DDX1: variants seen among roughly 807,000 people sequenced by gnomAD.
DDX1 encodes the protein DEAD-box helicase 1, also known as ATP-dependent RNA helicase DDX1.
A neutral mutation model predicts 108.7 loss-of-function variants in DDX1; 28 were observed. The observed-to-expected ratio is 0.26, with a 90% CI of 0.19 to 0.35. The LOEUF (loss-of-function observed/expected upper bound fraction) is 0.35, where lower values mean the gene tolerates loss of function less well. Among genes scored for constraint, DDX1 ranks in the 10% least tolerant of loss-of-function variants. The probability of loss-of-function intolerance (pLI) is 1.00; values close to 1 mark genes in which losing one functional copy is unlikely to be tolerated. For missense variants in DDX1, 710 were observed against 884.5 expected (o/e 0.80, Z 2.50); for synonymous variants, 295 against 288.9 (o/e 1.02, Z -0.21).
At chr2:15,622,084 G>C (rs953393136) in intron 18 of DDX1, among the ~76,000 whole-genome samples, 1 of 152,184 alleles carries the variant, frequency 6.6e-6, no homozygotes. Flanking sequence ...TATTGCATAA[G>C]AAAGAAAACT....
chr2:15,596,124 C>T (rs751592404), intron 3 of DDX1, among the ~76,000 whole-genome samples: 5 of 152,186 alleles, frequency 3.3e-5, no homozygotes, highest in Non-Finnish European at 5.9e-5. Context: ...CAGCCTCAAG[C>T]GATCCTCCTG....
At position 15,591,901 on chromosome 2, in the gene DDX1, C is replaced by T. The variant is rs1296803908; in HGVS notation, c.-33C>T. On this transcript the variant is annotated 5_prime_UTR_variant, in exon 1 of 26. Transcript: ENST00000233084. ...GCCGTGTCAGTCGGGAGGGAGGGAG[C>T]GAGCAGGCGAAGCCGCGGAGGACGG... 2 of 1,464,764 alleles carry T rather than the reference C, an allele frequency of 1.4e-6. No homozygotes were observed. Among genetic ancestry groups the T allele is most frequent in the South Asian group, 1.4e-5 (1 of 73,926 alleles). 90.7% of individuals were successfully genotyped at this position (1,464,764 alleles called of 1,614,324 possible).
At chr2:15,593,641 A>G (rs754947441) in intron 1 of DDX1, among the ~76,000 whole-genome samples, 9 of 151,786 alleles carry the variant, frequency 5.9e-5, no homozygotes, top group Non-Finnish European at 1.0e-4. Context: ...AGAACACACC[A>G]CTCCTTTGTT....
At chr2:15,608,390 C>T (rs1299807040) in intron 13 of DDX1, among the ~76,000 whole-genome samples, 1 of 151,912 alleles carries the variant, frequency 6.6e-6, no homozygotes, top group Non-Finnish European at 1.5e-5. Context: ...AGCTGGGCTT[C>T]GTGGCAGAGA....
chr2:15,596,692 G>T, intron 3 of DDX1, 42 bp from the exon 4 acceptor site: 1 of 1,584,100 alleles, frequency 6.3e-7, no homozygotes, highest in Non-Finnish European at 8.7e-7. Flanking sequence ...TTCTTTAATA[G>T]ACAACTTAAT....
intron 3 of DDX1, 38 bp downstream of exon 3, chr2:15,595,591 A>G (rs1202504951): frequency 1.4e-6 from 2 of 1,385,470 alleles, no homozygotes; most frequent in South Asian, 2.3e-5. Context: ...GTAGCTGGGG[A>G]CACACTCTAA....
At position 15,597,420 on chromosome 2, in the gene DDX1, G is replaced by C; in HGVS notation, c.208G>C (p.Asp70His). ...VIQIVYETLK[D>H]QQEGKKGKTT... Reference sequence around the variant, plus strand: ...CCAGATAGTTTATGAAACTCTGAAAGACCAACAGGAAGGCAAAAAAGGAAA... The same window carrying C: ...CCAGATAGTTTATGAAACTCTGAAACACCAACAGGAAGGCAAAAAAGGAAA... Residue 70 changes from aspartate to histidine, a missense_variant, in exon 5 of 26, where the codon GAC (aspartate) becomes CAC (histidine). By Grantham distance (81) the Asp-to-His change is moderately conservative. Coordinates refer to ENST00000233084, the MANE Select transcript of DDX1 (RefSeq NM_004939.3). The C allele has an allele frequency of 6.2e-7, 1 of 1,608,814 alleles. No individual in the cohort carries two copies. The highest frequency in any genetic ancestry group is 8.5e-7 in the Non-Finnish European group (1 of 1,178,342).
intron 20 of DDX1, among the ~76,000 whole-genome samples, chr2:15,628,149 C>A (rs951479406): frequency 1.3e-5 from 2 of 151,988 alleles, no homozygotes; most frequent in Admixed American, 1.3e-4. Context: ...TCTTCAATTT[C>A]TAAAGATATT....
At chr2:15,610,281 A>G (rs1665730595) in intron 13 of DDX1, among the ~76,000 whole-genome samples, 1 of 152,130 alleles carries the variant, frequency 6.6e-6, no homozygotes, top group African/African-American at 2.4e-5. Context: ...ATGAAATCCA[A>G]TTTATCTGTT....
chr2:15,615,632 G>A lies in DDX1; in HGVS notation c.1018-1612G>A, dbSNP rs554078628. Among the ~76,000 whole-genome samples the A allele has an allele frequency of 3.0e-4, 45 of 152,250 alleles. No homozygotes were observed. The South Asian group carries it at 9.1e-3, about 31-fold the overall frequency. On this transcript the variant is annotated intron_variant, in intron 14 of 25. Transcript: ENST00000233084. ...CATGGGATAATAAGTGCCTCATATT[G>A]GATCAAGTTAAAAGTTCTGTTTATT...
intron 19 of DDX1, among the ~76,000 whole-genome samples, chr2:15,626,081 G>C (rs557011316): frequency 6.6e-6 from 1 of 152,060 alleles, no homozygotes; most frequent in East Asian, 1.9e-4. Flanking sequence ...TCTGGATGTA[G>C]ATGTTACTTC....
At chr2:15,611,693 A>AC (rs764902084) in intron 13 of DDX1, among the ~76,000 whole-genome samples, 1,097 of 75,168 alleles carry the variant, frequency 0.015, 82 homozygotes, top group Admixed American at 0.023. Flanking sequence ...CGGGGGGCTG[A>AC]CCCCCCCACC....
At chr2:15,612,222 C>T (rs570863539) in intron 13 of DDX1, among the ~76,000 whole-genome samples, 261 of 151,458 alleles carry the variant, frequency 1.7e-3, no homozygotes, top group African/African-American at 5.3e-3. Context: ...GGGTGGCTGC[C>T]GGGCGGTGAC....
chr2:15,596,694 C>T (rs1558450268), intron 3 of DDX1, 40 bp from the exon 4 acceptor site: 1 of 1,590,080 alleles, frequency 6.3e-7, no homozygotes, highest in Non-Finnish European at 8.6e-7. Flanking sequence ...CTTTAATAGA[C>T]AACTTAATCT....
chr2:15,619,253 C>G (rs1208522761), intron 16 of DDX1, among the ~76,000 whole-genome samples: 2 of 152,236 alleles, frequency 1.3e-5, no homozygotes, highest in African/African-American at 4.8e-5. Flanking sequence ...AGGGTCCTCC[C>G]AGGGGTGGAC....
chr2:15,627,135 A>G lies in DDX1; in HGVS notation c.1676A>G (p.Glu559Gly), dbSNP rs1257959426. The change falls in exon 20 of 26, where the codon GAA (glutamate) becomes GGA (glycine). Residue 559 changes from glutamate (E) to glycine (G), a missense_variant. Glu to Gly is a moderately conservative substitution (Grantham distance 98). Around this residue, in one of 3 missense-constraint regions of DDX1, gnomAD observed 661 missense variants for 810.2 expected, o/e 0.82. Transcript: ENST00000233084. ...RKPHERKQNL[E>G]RFKKGDVRFL... ...CCTCATGAGAGAAAGCAAAACTTGG[A>G]AAGATTTAAGGTACTGATACATAGT... 2 of 1,600,600 alleles carry G rather than the reference A, an allele frequency of 1.2e-6. No homozygotes were observed. The highest frequency in any genetic ancestry group is 8.6e-7 in the Non-Finnish European group (1 of 1,168,734).
At chr2:15,630,206 A>G (rs1013928546) in intron 25 of DDX1, 96 bp downstream of exon 25, 11 of 1,275,926 alleles carry the variant, frequency 8.6e-6, no homozygotes, top group Admixed American at 1.9e-5. Flanking sequence ...CATTAGGTTA[A>G]GAGTATATTT....
intron 1 of DDX1, among the ~76,000 whole-genome samples, chr2:15,592,221 A>C (rs1665425853): frequency 1.3e-5 from 2 of 152,084 alleles, no homozygotes; most frequent in Admixed American, 1.3e-4. Context: ...CTGCCAGTGC[A>C]CCTTCGGCTG....
chr2:15,616,637 A>G (rs192556114), intron 14 of DDX1, among the ~76,000 whole-genome samples: 8 of 152,368 alleles, frequency 5.3e-5, no homozygotes, highest in South Asian at 2.1e-4. Context: ...ATGAAATAAA[A>G]CATGTACTTG....
Sources: gnomAD v4.1 joint callset for allele counts (sites outside exome capture counted in the v4.1 genomes callset) on GRCh38, gnomAD v4.1.1 for gene constraint, gnomAD v4.1.1 regional missense constraint, MANE v1.5 for transcripts, NCBI Gene and HGNC (gene_info 2026-07-23, HGNC 2026-07-21) for gene names.